The following VIPR2 variants were observed in gnomAD, a reference collection of about 807,000 sequenced individuals.
VIPR2 encodes the protein vasoactive intestinal peptide receptor 2, also known as vasoactive intestinal polypeptide receptor 2.
In VIPR2, 48 loss-of-function variants were observed where a neutral mutation model predicts 58.0. The ratio of observed to expected loss-of-function variants is 0.83; its 90% CI spans 0.66 to 1.05. The LOEUF is 1.05. VIPR2 is among the 50% of genes least tolerant of loss of function. The probability of loss-of-function intolerance (pLI) is 0.00; values close to 1 mark genes in which losing one functional copy is unlikely to be tolerated. For synonymous variants in VIPR2, 243 were observed against 235.2 expected, an observed-to-expected ratio of 1.03 and a Z score of -0.30; for missense variants, 534 against 558.0, an observed-to-expected ratio of 0.96 and a Z score of 0.43.
chr7:159,083,965 G>T (rs1421235986), intron 4 of VIPR2, among the ~76,000 whole-genome samples: 1 of 152,228 alleles, frequency 6.6e-6, no homozygotes, highest in African/African-American at 2.4e-5. Context: ...CCCCTTAGCA[G>T]ATGTGCCCTT....
chr7:159,064,530 G>A (rs1027562895), intron 4 of VIPR2, among the ~76,000 whole-genome samples: 3 of 152,174 alleles, frequency 2.0e-5, no homozygotes, highest in Non-Finnish European at 4.4e-5. Context: ...CCAGCTGGGT[G>A]CTGGGCTGAA....
chr7:159,100,300 A>G (rs1228952134), intron 4 of VIPR2, among the ~76,000 whole-genome samples: 1 of 152,182 alleles, frequency 6.6e-6, no homozygotes, highest in African/African-American at 2.4e-5. Context: ...AGTTGTTTTC[A>G]AGCCTAACTA....
chr7:159,102,725 C>T (rs945388197), intron 4 of VIPR2, among the ~76,000 whole-genome samples: 4 of 152,148 alleles, frequency 2.6e-5, no homozygotes, highest in African/African-American at 7.2e-5. Flanking sequence ...GAGGGGCAGG[C>T]GGAGCAGGGT....
intron 3 of VIPR2, among the ~76,000 whole-genome samples, chr7:159,109,257 G>A (rs960785730): frequency 6.6e-5 from 10 of 152,282 alleles, no homozygotes; most frequent in East Asian, 3.9e-4. Context: ...TGGCAGCACC[G>A]CATACGGAGC....
At chr7:159,042,053 C>T (rs1383475917) in intron 6 of VIPR2, among the ~76,000 whole-genome samples, 1 of 152,110 alleles carries the variant, frequency 6.6e-6, no homozygotes, top group Non-Finnish European at 1.5e-5. Context: ...CCAGCTTATC[C>T]CCAGAGGCAC....
Position 159,095,824 on chromosome 7 carries a change from T to C in VIPR2, c.357+7933A>G, listed in dbSNP as rs553010071. Among the ~76,000 whole-genome samples, 23 of 152,244 alleles carry C rather than the reference T, an allele frequency of 1.5e-4. No individual in the cohort carries two copies. Among genetic ancestry groups the C allele is most frequent in the Admixed American group, 1.4e-3 (21 of 15,294 alleles). ...AAAACTCTTCCTTCTCTCTTTTTTT[T>C]TTAAGTCTTTAACAGACCTCCCTAG... On this transcript the variant is annotated intron_variant, in intron 4 of 12. Coordinates refer to ENST00000262178, the MANE Select transcript of VIPR2 (RefSeq NM_003382.5). This position sits in a 1 kb window ranked among gnomAD's most constrained non-coding sequence, Gnocchi z 5.2.
intron 5 of VIPR2, among the ~76,000 whole-genome samples, chr7:159,050,665 T>C (rs767809447): frequency 2.6e-5 from 4 of 152,058 alleles, no homozygotes; most frequent in Non-Finnish European, 4.4e-5. Flanking sequence ...AATAGTAATA[T>C]AATACATGGG....
intron 2 of VIPR2, 104 bp downstream of exon 2, chr7:159,142,342 T>C (rs534892885): frequency 6.6e-5 from 53 of 806,740 alleles, no homozygotes; most frequent in Non-Finnish European, 9.0e-5. Context: ...TTTTTCTTTT[T>C]TTTTTTTTAA....
chr7:159,031,060 A>ACAGT lies in VIPR2; in HGVS notation c.1144-275_1144-272dup, dbSNP rs1324061087. 6.6e-6 allele frequency among the ~76,000 whole-genome samples: 1 copy of ACAGT among 152,186 alleles called. No individual in the cohort carries two copies. Among genetic ancestry groups the ACAGT allele is most frequent in the African/African-American group, 2.4e-5 (1 of 41,464 alleles). On this transcript the variant is annotated intron_variant, in intron 12 of 12. Transcript: ENST00000262178. The surrounding 1 kb of genome is among the most constrained non-coding windows in gnomAD (Gnocchi z 4.0). ...CCACTGCCGCGGTAAGCGCAGTCCCACAGTCTCAGATAGTTAATATTTCTC... is the reference window on the plus strand; with the variant it reads ...CCACTGCCGCGGTAAGCGCAGTCCCACAGTCAGTCTCAGATAGTTAATATTTCTC...
At chr7:159,102,640 C>CAT (rs962907621) in intron 4 of VIPR2, among the ~76,000 whole-genome samples, 1 of 152,208 alleles carries the variant, frequency 6.6e-6, no homozygotes, top group African/African-American at 2.4e-5. Flanking sequence ...AAGTTGGGCT[C>CAT]ATTCTCCCAA....
intron 2 of VIPR2, among the ~76,000 whole-genome samples, chr7:159,138,703 G>A (rs1490754846): frequency 6.6e-6 from 1 of 152,254 alleles, no homozygotes; most frequent in African/African-American, 2.4e-5. Context: ...TGTCTGGAAG[G>A]AAAAGCGGGG....
chr7:159,117,566 G>A (rs146802394), intron 2 of VIPR2, among the ~76,000 whole-genome samples: 1 of 152,206 alleles, frequency 6.6e-6, no homozygotes, highest in Non-Finnish European at 1.5e-5. Flanking sequence ...TGCTTGCCAC[G>A]CAGCTCATGC....
At chr7:159,034,083 C>T (rs1853755532) in intron 10 of VIPR2, 130 bp downstream of exon 10, 3 of 828,624 alleles carry the variant, frequency 3.6e-6, no homozygotes, top group African/African-American at 1.7e-5. Flanking sequence ...AGCCCTGGGG[C>T]CCAGCCTCGA....
At chr7:159,132,820 CCG>C (rs1563355149) in intron 2 of VIPR2, among the ~76,000 whole-genome samples, 45 of 128,968 alleles carry the variant, frequency 3.5e-4, no homozygotes, top group East Asian at 9.1e-4. Flanking sequence ...GATTGGCATA[CCG>C]ATTGATTTGA....
Position 159,030,707 on chromosome 7 carries a change from G to A in VIPR2, c.1226C>T (p.Ser409Phe), listed in dbSNP as rs1853497399. 5 of 1,591,016 alleles carry A rather than the reference G, an allele frequency of 3.1e-6. No individual in the cohort carries two copies. Among genetic ancestry groups the A allele is most frequent in the Non-Finnish European group, 3.4e-6 (4 of 1,170,182 alleles). The change falls in exon 13 of 13, where the codon TCC (serine) becomes TTC (phenylalanine). Residue 409 changes from serine to phenylalanine, a missense_variant. By Grantham distance (155) the Ser-to-Phe change is radical. This residue lies in a region of VIPR2 where 306 missense variants were observed against 285.8 expected (regional missense o/e 1.07). Transcript: ENST00000262178. ...GCCCTCCGAGCCGTTGCGGGAGAAG[G>A]AGGAACCGCAGACCCTGTAATCCCG... ...ASRDYRVCGS[S>F]FSRNGSEGAL...
rs199799119 is a variant in VIPR2, at chr7:159,062,857, C to T, written c.358-4279G>A. On this transcript the variant is annotated intron_variant, in intron 4 of 12. Coordinates refer to ENST00000262178, the MANE Select transcript of VIPR2 (RefSeq NM_003382.5). Reference sequence around the variant, plus strand: ...GCTGATTGGTCTGTTTTACTGAGAGCTGATTGGTCCGTTTTGACAGGGTAC... The same window carrying T: ...GCTGATTGGTCTGTTTTACTGAGAGTTGATTGGTCCGTTTTGACAGGGTAC... Among the ~76,000 whole-genome samples the T allele has an allele frequency of 2.2e-4, 31 of 139,050 alleles. No homozygotes were observed. In the East Asian group the frequency reaches 3.0e-3, roughly 13 times the overall value. The allele number at this position is 139,050 out of a possible 152,430, so 91.2% of individuals were successfully genotyped here.
At chr7:159,101,954 G>T (rs1315656358) in intron 4 of VIPR2, among the ~76,000 whole-genome samples, 1 of 147,580 alleles carries the variant, frequency 6.8e-6, no homozygotes, top group Non-Finnish European at 1.5e-5. Flanking sequence ...AGTCTCACGA[G>T]ATCCGACGAG....
intron 2 of VIPR2, among the ~76,000 whole-genome samples, chr7:159,137,871 G>A (rs973889291): frequency 6.6e-6 from 1 of 152,144 alleles, no homozygotes; most frequent in Non-Finnish European, 1.5e-5. Flanking sequence ...ACTTATATCA[G>A]AAAGAAAATG....
chr7:159,132,974 A>C, intron 2 of VIPR2, among the ~76,000 whole-genome samples: 1 of 148,484 alleles, frequency 6.7e-6, no homozygotes, highest in Admixed American at 6.8e-5. Flanking sequence ...TGATTGGCAT[A>C]CCGATTGATT....
Sources: allele counts gnomAD v4.1 joint callset (sites outside exome capture counted in the v4.1 genomes callset), GRCh38; gene constraint gnomAD v4.1.1; regional missense constraint gnomAD v4.1.1; non-coding constraint Gnocchi (gnomAD v3.1); transcripts MANE v1.5; gene names NCBI Gene and HGNC (gene_info 2026-07-23, HGNC 2026-07-21).